The following PCDH9 variants were observed in gnomAD, a reference collection of about 807,000 sequenced individuals.
The protein encoded by PCDH9 is protocadherin-9.
A neutral mutation model predicts 70.6 loss-of-function variants in PCDH9; 24 were observed. The ratio of observed to expected loss-of-function variants is 0.34; its 90% CI spans 0.25 to 0.48. PCDH9 has a LOEUF of 0.48. Ranked by LOEUF, PCDH9 falls within the 20% of genes least tolerant of loss-of-function variation. The pLI is 0.99. For synonymous variants in PCDH9, 562 were observed against 558.5 expected, an observed-to-expected ratio of 1.01 and a Z score of -0.09; for missense variants, 1,281 against 1,503.6, an observed-to-expected ratio of 0.85 and a Z score of 2.45.
chr13:66,311,843 C>T (rs1242734495), intron 4 of PCDH9, among the ~76,000 whole-genome samples: 1 of 152,158 alleles, frequency 6.6e-6, no homozygotes, highest in African/African-American at 2.4e-5. Flanking sequence ...GGGTGTGAAT[C>T]TCATTGCCAT....
At chr13:66,639,107 G>A (rs1194586991) in intron 3 of PCDH9, among the ~76,000 whole-genome samples, 1 of 152,098 alleles carries the variant, frequency 6.6e-6, no homozygotes, top group Non-Finnish European at 1.5e-5. Context: ...ATGATAACTG[G>A]CCATTTAAAG....
chr13:66,866,583 G>T (rs2081579723), intron 3 of PCDH9, among the ~76,000 whole-genome samples: 1 of 152,022 alleles, frequency 6.6e-6, no homozygotes, highest in Non-Finnish European at 1.5e-5. Context: ...GGATCACTGA[G>T]ATCAGGAGTT....
chr13:67,103,450 G>A (rs2086473221), intron 2 of PCDH9, among the ~76,000 whole-genome samples: 1 of 152,122 alleles, frequency 6.6e-6, no homozygotes, highest in Non-Finnish European at 1.5e-5. Flanking sequence ...CCAATAGAAT[G>A]TATATATTGC....
intron 2 of PCDH9, among the ~76,000 whole-genome samples, chr13:67,032,531 T>C (rs1475669136): frequency 6.6e-6 from 1 of 152,162 alleles, no homozygotes; most frequent in Non-Finnish European, 1.5e-5. Flanking sequence ...GTAGAATTGT[T>C]TGCATTTATG....
intron 3 of PCDH9, among the ~76,000 whole-genome samples, chr13:66,871,010 T>C (rs1035383231): frequency 1.3e-5 from 2 of 152,116 alleles, no homozygotes; most frequent in African/African-American, 4.8e-5. Context: ...AATGATAGGC[T>C]GGATTAAGAA....
intron 2 of PCDH9, among the ~76,000 whole-genome samples, chr13:67,010,656 T>C (rs1320527669): frequency 4.6e-5 from 7 of 152,034 alleles, no homozygotes; most frequent in Non-Finnish European, 1.0e-4. Context: ...CTTAGTTATG[T>C]ATGCATTGCC....
At chr13:66,314,731 C>T (rs997963802) in intron 4 of PCDH9, among the ~76,000 whole-genome samples, 4 of 152,224 alleles carry the variant, frequency 2.6e-5, no homozygotes, top group Non-Finnish European at 4.4e-5. Flanking sequence ...GACCTAGTTG[C>T]TCAATGCAGG....
At chr13:67,076,160 T>C (rs1449678161) in intron 2 of PCDH9, among the ~76,000 whole-genome samples, 1 of 152,150 alleles carries the variant, frequency 6.6e-6, no homozygotes, top group Non-Finnish European at 1.5e-5. Flanking sequence ...GTTGAGCACT[T>C]TCTATGTGCC....
At chr13:66,355,072 G>T (rs917690328) in intron 4 of PCDH9, among the ~76,000 whole-genome samples, 6 of 152,064 alleles carry the variant, frequency 3.9e-5, no homozygotes, top group Non-Finnish European at 8.8e-5. Context: ...CAGGGCTAGA[G>T]TACAAGCTGA....
chr13:66,536,161 T>G (rs1341899727), intron 4 of PCDH9, among the ~76,000 whole-genome samples: 3 of 152,008 alleles, frequency 2.0e-5, no homozygotes, highest in African/African-American at 7.2e-5. Context: ...CCCCATATGG[T>G]TGTAGGACAA....
intron 3 of PCDH9, among the ~76,000 whole-genome samples, chr13:66,833,657 A>T (rs1322280822): frequency 1.3e-5 from 2 of 152,194 alleles, no homozygotes; most frequent in Non-Finnish European, 2.9e-5. Flanking sequence ...GAATAATTGA[A>T]ATATAGTAAT....
intron 3 of PCDH9, among the ~76,000 whole-genome samples, chr13:66,797,852 C>T (rs2080268583): frequency 1.3e-5 from 2 of 151,902 alleles, no homozygotes; most frequent in South Asian, 4.1e-4. Flanking sequence ...TAAGCTGGAA[C>T]CTATTTCTCT....
intron 3 of PCDH9, among the ~76,000 whole-genome samples, chr13:66,820,937 A>G (rs2080700519): frequency 6.6e-6 from 1 of 152,168 alleles, no homozygotes; most frequent in Non-Finnish European, 1.5e-5. Flanking sequence ...ATGAACCTCC[A>G]TGACACAATG....
chr13:66,986,097 G>T (rs1445605645), intron 2 of PCDH9, among the ~76,000 whole-genome samples: 1 of 151,970 alleles, frequency 6.6e-6, no homozygotes, highest in East Asian at 1.9e-4. Flanking sequence ...GGAGGCCTCA[G>T]GAAACTTATA....
chr13:66,750,312 A>G (rs1462709379), intron 3 of PCDH9, among the ~76,000 whole-genome samples: 1 of 152,204 alleles, frequency 6.6e-6, no homozygotes, highest in Non-Finnish European at 1.5e-5. Flanking sequence ...CTCAGCAAAC[A>G]CATATAGAAA....
At chr13:66,578,371 T>G (rs1332656412) in intron 4 of PCDH9, among the ~76,000 whole-genome samples, 1 of 152,056 alleles carries the variant, frequency 6.6e-6, no homozygotes, top group East Asian at 1.9e-4. Context: ...AATTGTTTCA[T>G]GAGCTACATT....
intron 4 of PCDH9, among the ~76,000 whole-genome samples, chr13:66,622,258 G>A (rs2077432953): frequency 6.6e-6 from 1 of 152,194 alleles, no homozygotes; most frequent in Non-Finnish European, 1.5e-5. Flanking sequence ...TGCGGCCGAG[G>A]AGCCTACCCT....
At chr13:66,925,886 T>C (rs537029596) in intron 2 of PCDH9, among the ~76,000 whole-genome samples, 1 of 152,044 alleles carries the variant, frequency 6.6e-6, no homozygotes, top group African/African-American at 2.4e-5. Context: ...CACATGATCA[T>C]CTGAATAAAA....
At chr13:66,501,668 T>TA (rs1875547909) in intron 4 of PCDH9, among the ~76,000 whole-genome samples, 2 of 151,932 alleles carry the variant, frequency 1.3e-5, no homozygotes, top group South Asian at 4.2e-4. Flanking sequence ...ACAGGTATAT[T>TA]AAAAAAATTA....
Sources: gnomAD v4.1 joint callset for allele counts (sites outside exome capture counted in the v4.1 genomes callset) on GRCh38, gnomAD v4.1.1 for gene constraint, MANE v1.5 for transcripts, NCBI Gene and HGNC (gene_info 2026-07-23, HGNC 2026-07-21) for gene names.